Variants in GATA5 observed in about 807,000 individuals in gnomAD.
The protein encoded by GATA5 is transcription factor GATA-5.
Under a neutral mutation model 35.0 loss-of-function variants are expected in GATA5, and 27 were observed. That is an observed-to-expected ratio of 0.77 (90% CI 0.57 to 1.06). The LOEUF is 1.06. Ranked by LOEUF, GATA5 falls within the 50% of genes least tolerant of loss-of-function variation. GATA5 has a pLI of 0.00. For synonymous variants in GATA5, 306 were observed against 267.8 expected (o/e 1.14, Z -1.39); for missense variants, 612 against 580.0 (o/e 1.06, Z -0.57).
rs1421367694 is a variant in GATA5, at chr20:62,470,258, G to A, written c.699+3145C>T. Among the ~76,000 whole-genome samples, 4 of 152,248 alleles carry A rather than the reference G, an allele frequency of 2.6e-5. No homozygotes were observed. Among genetic ancestry groups the A allele is most frequent in the Non-Finnish European group, 1.5e-5 (1 of 68,038 alleles). On this transcript the variant is annotated intron_variant, in intron 3 of 6. Transcript: ENST00000252997. The surrounding 1 kb of genome is among the most constrained non-coding windows in gnomAD (Gnocchi z 4.6). The stretch of plus-strand genomic sequence containing the variant: ...AGGAGGTTCGAGCCTGGCTTGGAGG[G>A]ATGAAGCGCACACGCCGGGAAACAC...
Position 62,466,484 on chromosome 20 carries a change from C to A in GATA5, c.767G>T (p.Arg256Leu). 6.3e-7 allele frequency: 1 copy of A among 1,576,704 alleles called. No individual in the cohort carries two copies. The highest frequency in any genetic ancestry group is 8.6e-7 in the Non-Finnish European group (1 of 1,161,566). Residue 256 changes from arginine (R) to leucine (L), a missense_variant, in exon 4 of 7, where the codon CGG becomes CTG. Coordinates refer to ENST00000252997, the MANE Select transcript of GATA5 (RefSeq NM_080473.5). The stretch of plus-strand genomic sequence containing the variant: ...GCACACGGGCTCCCCCTCCGAGTTC[C>A]GCCGCCACAGCGTGGTGTTGGTCGT... ...CHTTNTTLWRRNSEGEPVCNA... is the reference protein window; with the variant it reads ...CHTTNTTLWRLNSEGEPVCNA...
At chr20:62,471,685 C>T (rs1285388399) in intron 3 of GATA5, among the ~76,000 whole-genome samples, 1 of 151,304 alleles carries the variant, frequency 6.6e-6, no homozygotes, top group East Asian at 2.0e-4. Flanking sequence ...CCTGCCTTAG[C>T]CTCCCAAAGT....
At chr20:62,473,333 G>A (rs1989766352) in intron 3 of GATA5, 70 bp downstream of exon 3, 1 of 1,512,152 alleles carries the variant, frequency 6.6e-7, no homozygotes, top group Admixed American at 2.0e-5. Flanking sequence ...GGTGTCACCT[G>A]GGTGGATTGC....
rs958720795 is a variant in GATA5 at position 62,470,319 on chromosome 20, T to G, written c.699+3084A>C. 9.2e-5 allele frequency among the ~76,000 whole-genome samples: 14 copies of G among 152,314 alleles called. No homozygotes were observed. The highest frequency in any genetic ancestry group is 2.9e-4 in the African/African-American group (12 of 41,590). On this transcript the variant is annotated intron_variant, in intron 3 of 6. Coordinates refer to ENST00000252997, the MANE Select transcript of GATA5 (RefSeq NM_080473.5). The surrounding 1 kb of genome is among the most constrained non-coding windows in gnomAD (Gnocchi z 4.6). ...AGGTGCAGGTCACAGTGACCCGCAG[T>G]GCAGCAGCCTCCTCTGAGATGGAAG...
chr20:62,471,432 A>ATATTTTTTTTTTTTTTTTTT (rs1555896518), intron 3 of GATA5, among the ~76,000 whole-genome samples: 3 of 81,746 alleles, frequency 3.7e-5, no homozygotes, highest in Non-Finnish European at 7.2e-5. Context: ...TTCAATTACA[A>ATATTTTTTTTTTTTTTTTTT]TTTTTTTTTT....
chr20:62,475,443 C>A lies in GATA5; in HGVS notation c.79G>T (p.Gly27Cys). The A allele has an allele frequency of 1.5e-6, 2 of 1,354,846 alleles. No individual in the cohort carries two copies. Among genetic ancestry groups the A allele is most frequent in the Non-Finnish European group, 9.5e-7 (1 of 1,056,630 alleles). 83.9% of individuals were successfully genotyped at this position (1,354,846 alleles called of 1,614,324 possible). Residue 27 changes from glycine to cysteine, a missense_variant, in exon 2 of 7, where the codon GGC becomes TGC. Transcript: ENST00000252997. The part of the protein sequence containing the change: ...ADSGSFLHAP[G>C]AGSPMFVPPA... ...GGCACAAACATCGGAGAGCCGGCGCCCGGAGCGTGCAGGAAGGAGCCCGAG... is the reference window on the plus strand; with the variant it reads ...GGCACAAACATCGGAGAGCCGGCGCACGGAGCGTGCAGGAAGGAGCCCGAG...
chr20:62,469,227 G>A (rs556472319), intron 3 of GATA5, among the ~76,000 whole-genome samples: 1 of 152,364 alleles, frequency 6.6e-6, no homozygotes, highest in East Asian at 1.9e-4. Flanking sequence ...GTGAATTTCT[G>A]ATACATGATG....
At chr20:62,472,410 C>T (rs984200248) in intron 3 of GATA5, among the ~76,000 whole-genome samples, 4 of 152,208 alleles carry the variant, frequency 2.6e-5, no homozygotes, top group African/African-American at 7.2e-5. Context: ...CGGCATAGCA[C>T]GCGAATCCAG....
intron 3 of GATA5, among the ~76,000 whole-genome samples, chr20:62,469,199 A>AT (rs1460962707): frequency 3.3e-5 from 5 of 152,156 alleles, no homozygotes; most frequent in African/African-American, 1.2e-4. Context: ...GTAAATGTGA[A>AT]TTTCTGCCTA....
intron 3 of GATA5, among the ~76,000 whole-genome samples, chr20:62,467,942 G>C (rs189009854): frequency 6.7e-6 from 1 of 149,138 alleles, no homozygotes; most frequent in South Asian, 2.1e-4. Flanking sequence ...AGCCCACCTC[G>C]GTTTCCCCAT....
Position 62,474,758 on chromosome 20 carries a change from G to A in GATA5, c.523+241C>T, listed in dbSNP as rs76758674. Among the ~76,000 whole-genome samples the A allele has an allele frequency of 2.6e-5, 4 of 152,372 alleles. No homozygotes were observed. The East Asian group carries it at 7.7e-4, about 29-fold the overall frequency. On this transcript the variant is annotated intron_variant, in intron 2 of 6. Transcript: ENST00000252997. ...TTGAGGCTCCACATTGGCACAATCC[G>A]GAATGCTGTTTGGAAATAGATGTTC...
rs575236753 is a variant in GATA5 at position 62,471,617 on chromosome 20, G to T, written c.699+1786C>A. On this transcript the variant is annotated intron_variant, in intron 3 of 6. Coordinates refer to ENST00000252997, the MANE Select transcript of GATA5 (RefSeq NM_080473.5). ...GGCTAACTTTTAAATTTTTTGTAGA[G>T]ACCTGGTCTCCCTATGTTGCCCAAG... Among the ~76,000 whole-genome samples the T allele has an allele frequency of 1.1e-4, 17 of 150,588 alleles. No homozygotes were observed. The South Asian group carries it at 3.4e-3, about 30-fold the overall frequency.
At position 62,473,591 on chromosome 20, in the gene GATA5, G is replaced by A; in HGVS notation, c.524-13C>T. ...AAGAAGTCGGACACTGAGGGGACAGGCAGCTGGTGGGCCCGGGCCCTCCCC... is the reference window on the plus strand; with the variant it reads ...AAGAAGTCGGACACTGAGGGGACAGACAGCTGGTGGGCCCGGGCCCTCCCC... On this transcript the variant is annotated splice_polypyrimidine_tract_variant and intron_variant, in intron 2 of 6. Transcript: ENST00000252997. 4 of 1,574,084 alleles carry A rather than the reference G, an allele frequency of 2.5e-6. No homozygotes were observed. Among genetic ancestry groups the A allele is most frequent in the Non-Finnish European group, 3.5e-6 (4 of 1,158,998 alleles).
chr20:62,471,875 T>G (rs1444357811), intron 3 of GATA5, among the ~76,000 whole-genome samples: 1 of 151,594 alleles, frequency 6.6e-6, no homozygotes, highest in African/African-American at 2.4e-5. Context: ...ACCACAGGTG[T>G]GTGCTACCAT....
intron 3 of GATA5, among the ~76,000 whole-genome samples, chr20:62,472,026 A>T (rs1422984885): frequency 6.6e-6 from 1 of 151,468 alleles, no homozygotes; most frequent in Non-Finnish European, 1.5e-5. Flanking sequence ...GACTATAGGT[A>T]TGAGCCACCG....
intron 3 of GATA5, among the ~76,000 whole-genome samples, chr20:62,468,423 C>G (rs1392365005): frequency 2.6e-5 from 4 of 152,258 alleles, no homozygotes; most frequent in Admixed American, 2.6e-4. Context: ...GCCGTCCTGT[C>G]GAAGGCCTGA....
rs1555896025 is a variant in GATA5, at chr20:62,465,869, T to C, written c.878A>G (p.Lys293Arg). 6.3e-7 allele frequency: 1 copy of C among 1,597,708 alleles called. No homozygotes were observed. The highest frequency in any genetic ancestry group is 2.3e-5 in the East Asian group (1 of 44,286). The change falls in exon 5 of 7, where the codon AAG (lysine) becomes AGG (arginine). Residue 293 changes from lysine (K) to arginine (R), a missense_variant. Physicochemically the swap from Lys to Arg is conservative, Grantham distance 26 (BLOSUM62 2). Coordinates refer to ENST00000252997, the MANE Select transcript of GATA5 (RefSeq NM_080473.5). ...KKESIQTRKR[K>R]PKTIAKARGS... ...CCTGGCCTTGGCGATGGTCTTTGGCTTCCGCTTCCGTGTCTGGATGCTTTC... is the reference window on the plus strand; with the variant it reads ...CCTGGCCTTGGCGATGGTCTTTGGCCTCCGCTTCCGTGTCTGGATGCTTTC...
intron 3 of GATA5, among the ~76,000 whole-genome samples, chr20:62,471,236 A>G (rs1331429750): frequency 6.6e-6 from 1 of 152,004 alleles, no homozygotes; most frequent in Non-Finnish European, 1.5e-5. Flanking sequence ...CCCGGTGCTC[A>G]GTTCAAGGCC....
At chr20:62,474,046 GTCC>G (rs1227686616) in intron 2 of GATA5, among the ~76,000 whole-genome samples, 1 of 150,146 alleles carries the variant, frequency 6.7e-6, no homozygotes, top group Admixed American at 6.6e-5. Flanking sequence ...TAACCCCGCT[GTCC>G]TCCTGTTCTG....
Sources: allele counts gnomAD v4.1 joint callset (sites outside exome capture counted in the v4.1 genomes callset), GRCh38; gene constraint gnomAD v4.1.1; non-coding constraint Gnocchi (gnomAD v3.1); transcripts MANE v1.5; gene names NCBI Gene and HGNC (gene_info 2026-07-23, HGNC 2026-07-21).